Variants in NYAP2 observed in about 807,000 individuals in gnomAD.
The protein encoded by NYAP2 is neuronal tyrosine-phosphorylated phosphoinositide-3-kinase adapter 2.
Under a neutral mutation model 50.4 loss-of-function variants are expected in NYAP2, and 23 were observed. That is an observed-to-expected ratio of 0.46 (90% CI 0.33 to 0.65). The LOEUF is 0.65. Among genes scored for constraint, NYAP2 ranks in the 30% least tolerant of loss-of-function variants. The pLI is 0.02. For missense variants in NYAP2, 885 were observed against 861.0 expected (o/e 1.03, Z -0.35); for synonymous variants, 394 against 365.2 (o/e 1.08, Z -0.90).
chr2:225,611,107 G>A (rs912223264), intron 5 of NYAP2, among the ~76,000 whole-genome samples: 3 of 152,140 alleles, frequency 2.0e-5, no homozygotes, highest in East Asian at 1.9e-4. Flanking sequence ...TTTTGAAAAT[G>A]TGTGGTAGAC....
chr2:225,473,365 A>T (rs1338400907), intron 3 of NYAP2, among the ~76,000 whole-genome samples: 1 of 152,194 alleles, frequency 6.6e-6, no homozygotes, highest in Admixed American at 6.5e-5. Flanking sequence ...CTAGTTCTAG[A>T]TCCCTCAGGA....
chr2:225,651,717 AAT>A (rs1200762658), exon 7 of NYAP2: 9 of 779,268 alleles, frequency 1.2e-5, no homozygotes, highest in African/African-American at 1.0e-4. Flanking sequence ...TTTGAAAAAG[AAT>A]ATCTTTCTTC....
chr2:225,502,592 A>G (rs541367332), intron 3 of NYAP2, among the ~76,000 whole-genome samples: 42 of 152,344 alleles, frequency 2.8e-4, no homozygotes, highest in Non-Finnish European at 5.3e-4. Context: ...TTTTGCCCAA[A>G]TATACTGATA....
chr2:225,536,125 C>T (rs1365952445), intron 4 of NYAP2, among the ~76,000 whole-genome samples: 6 of 152,258 alleles, frequency 3.9e-5, no homozygotes, highest in Admixed American at 3.9e-4. Context: ...CTGTATTTCA[C>T]CTTCATATTT....
intron 4 of NYAP2, among the ~76,000 whole-genome samples, chr2:225,554,928 T>G (rs1194693342): frequency 6.6e-6 from 1 of 152,126 alleles, no homozygotes; most frequent in Non-Finnish European, 1.5e-5. Context: ...ATGTATTTTA[T>G]AAATAAAAAA....
intron 3 of NYAP2, among the ~76,000 whole-genome samples, chr2:225,449,075 C>A (rs1295141804): frequency 6.6e-6 from 1 of 152,084 alleles, no homozygotes; most frequent in Non-Finnish European, 1.5e-5. Flanking sequence ...AGATAACAGT[C>A]AGTTAAACAA....
chr2:225,521,782 A>G (rs56918726), intron 4 of NYAP2, among the ~76,000 whole-genome samples: 57,060 of 151,670 alleles, frequency 0.38, 11,409 homozygotes, highest in African/African-American at 0.51. Flanking sequence ...GATGATGCTA[A>G]CCTCATAAAA....
intron 5 of NYAP2, among the ~76,000 whole-genome samples, chr2:225,620,391 G>A (rs1435125528): frequency 1.3e-5 from 2 of 150,988 alleles, no homozygotes; most frequent in Non-Finnish European, 1.5e-5. Flanking sequence ...CCACACGCAC[G>A]CACGCACACA....
In NYAP2 at chr2:225,438,007, C is replaced by T. The variant is rs1436883949; in HGVS notation, c.221+28906C>T. Among the ~76,000 whole-genome samples, 7 of 152,240 alleles carry T rather than the reference C, an allele frequency of 4.6e-5. No individual in the cohort carries two copies. The East Asian group carries it at 1.4e-3, about 29-fold the overall frequency. On this transcript the variant is annotated intron_variant, in intron 3 of 6. Transcript: ENST00000636099. Reference sequence around the variant, plus strand: ...TCTCTCTTTCTTACTCTCATTCTTGCCCTCTCTCTCTCTCTGAACTAGTAT... The same window carrying T: ...TCTCTCTTTCTTACTCTCATTCTTGTCCTCTCTCTCTCTCTGAACTAGTAT...
At chr2:225,502,252 G>C (rs1559197464) in intron 3 of NYAP2, among the ~76,000 whole-genome samples, 1 of 151,964 alleles carries the variant, frequency 6.6e-6, no homozygotes, top group Non-Finnish European at 1.5e-5. Flanking sequence ...GAGCGGTAGA[G>C]ATGGAGAGAA....
chr2:225,578,125 G>C (rs983598035), intron 4 of NYAP2, among the ~76,000 whole-genome samples: 2 of 151,926 alleles, frequency 1.3e-5, no homozygotes, highest in African/African-American at 4.8e-5. Context: ...TAGAGATGGG[G>C]TTTCACCATG....
At chr2:225,505,956 G>C (rs1690696778) in intron 3 of NYAP2, among the ~76,000 whole-genome samples, 1 of 151,926 alleles carries the variant, frequency 6.6e-6, no homozygotes, top group African/African-American at 2.4e-5. Context: ...CACTCTGATT[G>C]GACCACCTTG....
At chr2:225,534,370 T>C (rs553985619) in intron 4 of NYAP2, among the ~76,000 whole-genome samples, 1 of 152,340 alleles carries the variant, frequency 6.6e-6, no homozygotes, top group African/African-American at 2.4e-5. Context: ...ATCCATATGA[T>C]TGTTCTTTAA....
At chr2:225,571,018 T>C (rs1395306421) in intron 4 of NYAP2, among the ~76,000 whole-genome samples, 1 of 152,206 alleles carries the variant, frequency 6.6e-6, no homozygotes, top group Non-Finnish European at 1.5e-5. Flanking sequence ...AAGTCCAAAA[T>C]CCAATAGGGT....
chr2:225,571,071 C>G (rs1309601716), intron 4 of NYAP2, among the ~76,000 whole-genome samples: 1 of 152,366 alleles, frequency 6.6e-6, no homozygotes. Context: ...CCTTTGACCC[C>G]TTGTCTCACA....
intron 5 of NYAP2, among the ~76,000 whole-genome samples, chr2:225,625,702 C>T (rs1693197128): frequency 6.6e-6 from 1 of 152,012 alleles, no homozygotes; most frequent in South Asian, 2.1e-4. Flanking sequence ...AAAGACAAAG[C>T]TAGAGGGGAA....
At chr2:225,658,033 T>C (rs536873844), downstream of NYAP2, among the ~76,000 whole-genome samples, 1 of 152,308 alleles carries the variant, frequency 6.6e-6, no homozygotes, top group Non-Finnish European at 1.5e-5. Flanking sequence ...AGACCTGAAC[T>C]GAGAACATGT....
At position 225,562,204 on chromosome 2, in the gene NYAP2, C is replaced by A. The variant is rs116459535; in HGVS notation, c.524-19737C>A. On this transcript the variant is annotated intron_variant, in intron 4 of 6. Coordinates refer to ENST00000636099, the Ensembl canonical transcript of NYAP2. The stretch of plus-strand genomic sequence containing the variant: ...ATGGTAAATTCACTGGGGGAAAGAA[C>A]AGTTTCTGCTATTGCTTTGTGTGGG... 8.1e-3 allele frequency among the ~76,000 whole-genome samples: 1,232 copies of A among 152,196 alleles called. 14 individuals carry two copies. The highest frequency in any genetic ancestry group is 0.027 in the African/African-American group (1,116 of 41,534).
At chr2:225,631,565 C>A (rs1005528956) in intron 6 of NYAP2, among the ~76,000 whole-genome samples, 4 of 152,156 alleles carry the variant, frequency 2.6e-5, no homozygotes, top group Admixed American at 2.0e-4. Flanking sequence ...AATGTCAGTG[C>A]AAGCCAGTTG....
Sources: gnomAD v4.1 joint callset for allele counts (sites outside exome capture counted in the v4.1 genomes callset) on GRCh38, gnomAD v4.1.1 for gene constraint, MANE v1.5 for transcripts, NCBI Gene and HGNC (gene_info 2026-07-23, HGNC 2026-07-21) for gene names.